NT5C: variants seen among roughly 807,000 people sequenced by gnomAD.
NT5C encodes 5'(3')-deoxyribonucleotidase, cytosolic type.
Under a neutral mutation model 17.6 loss-of-function variants are expected in NT5C, and 14 were observed. The ratio of observed to expected loss-of-function variants is 0.79; its 90% CI spans 0.52 to 1.24. The LOEUF is 1.24. NT5C is among the 50% of genes most tolerant of loss of function. The pLI is 0.00. For missense variants in NT5C, 328 were observed against 278.3 expected (o/e 1.18, Z -1.27); for synonymous variants, 153 against 119.2 (o/e 1.28, Z -1.85).
At position 75,130,530 on chromosome 17, in the gene NT5C, CCTCCAGTTGTCA is replaced by C; in HGVS notation, c.552_563del (p.Ser184_Trp187del). 2.5e-6 allele frequency: 4 copies of C among 1,614,208 alleles called. No individual in the cohort carries two copies. The highest frequency in any genetic ancestry group is 3.4e-6 in the Non-Finnish European group (4 of 1,180,036). ...CTCCGCGCTTGCTATCTAAGATCTC[CCTCCAGTTGTCA>C]CTCCAGGAGAGCAGCCGTCTCCTTG... On this transcript the variant is annotated inframe_deletion, in exon 5 of 5. Transcript: ENST00000245552.
intron 1 of NT5C, 99 bp from the exon 2 acceptor site, chr17:75,131,380 G>A (rs910922787): frequency 3.5e-6 from 5 of 1,432,672 alleles, no homozygotes; most frequent in African/African-American, 2.9e-5. Context: ...GGGCGGAGGG[G>A]GCGTCGGTCA....
At chr17:75,130,950 G>A in intron 3 of NT5C, 83 bp from the exon 4 acceptor site, 2 of 1,607,222 alleles carry the variant, frequency 1.2e-6, no homozygotes, top group Non-Finnish European at 1.7e-6. Flanking sequence ...GCCCTTGAGA[G>A]CCCCCCACCC....
intron 2 of NT5C, 22 bp downstream of exon 2, chr17:75,131,159 G>C (rs1247742121): frequency 1.2e-6 from 2 of 1,612,164 alleles, no homozygotes; most frequent in East Asian, 4.5e-5. Flanking sequence ...CCAGGACTCC[G>C]CCCGCCCCCC....
rs1287668373 is a variant in NT5C, at chr17:75,131,620, AGCG to A, written c.85_87del (p.Arg29del). On this transcript the variant is annotated inframe_deletion, in exon 1 of 5. Coordinates refer to ENST00000245552, the MANE Select transcript of NT5C (RefSeq NM_014595.3). ...AGCGGCACGTGCGGCTCCTCAGGGA[AGCG>A]GCGGCGGAAGCCCCGCAGGAGGCCG... 2 of 1,382,388 alleles carry A rather than the reference AGCG, an allele frequency of 1.4e-6. No individual in the cohort carries two copies. The highest frequency in any genetic ancestry group is 3.4e-5 in the Admixed American group (1 of 29,224). The allele number at this position is 1,382,388 out of a possible 1,614,324, so 85.6% of individuals were successfully genotyped here.
chr17:75,131,456 C>T, intron 1 of NT5C, 78 bp downstream of exon 1: 1 of 1,418,186 alleles, frequency 7.1e-7, no homozygotes, highest in South Asian at 1.5e-5. Flanking sequence ...GAGAGCTCTG[C>T]GCCCTTCACA....
intron 2 of NT5C, 21 bp from the exon 3 acceptor site, chr17:75,131,126 A>G (rs2074114598): frequency 6.2e-7 from 1 of 1,612,424 alleles, no homozygotes; most frequent in Admixed American, 1.7e-5. Flanking sequence ...GGACGCGGTT[A>G]CCGCCGGGAG....
At position 75,130,735 on chromosome 17, in the gene NT5C, A is replaced by C; in HGVS notation, c.451+18T>G. ...GCAGGCCAGAGGCCTGGAGGCTGCC[A>C]AGGATAACGGGTCCAACCTCGAACT... On this transcript the variant is annotated intron_variant, in intron 4 of 4. Transcript: ENST00000245552. The C allele has an allele frequency of 1.2e-6, 2 of 1,613,880 alleles. No homozygotes were observed. Among genetic ancestry groups the C allele is most frequent in the Non-Finnish European group, 1.7e-6 (2 of 1,179,762 alleles).
Position 75,131,102 on chromosome 17 carries a change from C to T in NT5C, c.279G>A (p.Thr93=). The T allele has an allele frequency of 6.2e-7, 1 of 1,613,202 alleles. No individual in the cohort carries two copies. ...GGGGGCTGGTGCAGATGAAGACCTG[C>T]GTGCTGCGGAGAAGGACGCGGTTAC... ...AVREMNDLPD[T]QVFICTSPLL... is the part of the protein sequence containing the mutation. The change falls in exon 3 of 5, where the codon ACG becomes ACA. Residue 93 remains threonine, a synonymous_variant. Coordinates refer to ENST00000245552, the MANE Select transcript of NT5C (RefSeq NM_014595.3).
chr17:75,130,698 T>TC, intron 4 of NT5C, 55 bp downstream of exon 4: 2 of 1,613,840 alleles, frequency 1.2e-6, no homozygotes, highest in East Asian at 4.5e-5. Flanking sequence ...TTACTCCCTC[T>TC]CCCTAATCCG....
At position 75,131,525 on chromosome 17, in the gene NT5C, G is replaced by A. The variant is rs1030878982; in HGVS notation, c.174+9C>T. Reference sequence around the variant, plus strand: ...GGCCCTGCCCGGGTGGGGACCCTGCGCCCCCTACCGCCAGGTCGGGCCGCA... The same window carrying A: ...GGCCCTGCCCGGGTGGGGACCCTGCACCCCCTACCGCCAGGTCGGGCCGCA... On this transcript the variant is annotated intron_variant, in intron 1 of 4. Transcript: ENST00000245552. The A allele has an allele frequency of 4.3e-6, 6 of 1,409,252 alleles. No individual in the cohort carries two copies. The South Asian group carries it at 9.3e-5, about 22-fold the overall frequency. The allele number at this position is 1,409,252 out of a possible 1,614,324, so 87.3% of individuals were successfully genotyped here. A position where few individuals can be genotyped will look rare whatever the true frequency, so the allele number is the denominator to read the frequency against.
intron 3 of NT5C, 37 bp downstream of exon 3, chr17:75,131,008 C>T: frequency 6.2e-7 from 1 of 1,607,184 alleles, no homozygotes. Context: ...AGGATTTAGG[C>T]AGCTCCACGT....
In NT5C at chr17:75,131,231, C is replaced by A. The variant is rs1412353488; in HGVS notation, c.225G>T (p.Glu75Asp). The A allele has an allele frequency of 6.2e-7, 1 of 1,614,044 alleles. No individual in the cohort carries two copies. The highest frequency in any genetic ancestry group is 1.3e-5 in the African/African-American group (1 of 75,072). Reference protein sequence around the residue: ...YEAPGFFLDLEPIPGALDAVR... With the variant: ...YEAPGFFLDLDPIPGALDAVR... ...CAGCGTCCAAGGCTCCCGGGATGGG[C>A]TCCAGGTCCAGGAAAAAGCCCGGGG... Residue 75 changes from glutamate to aspartate, a missense_variant, in exon 2 of 5, where the codon GAG becomes GAT. Glu to Asp is a conservative substitution (Grantham distance 45). Coordinates refer to ENST00000245552, the MANE Select transcript of NT5C (RefSeq NM_014595.3).
Position 75,130,887 on chromosome 17 carries a change from T to G in NT5C, c.337-20A>C. The G allele has an allele frequency of 1.2e-6, 2 of 1,613,770 alleles. No individual in the cohort carries two copies. The highest frequency in any genetic ancestry group is 1.7e-6 in the Non-Finnish European group (2 of 1,179,704). On this transcript the variant is annotated intron_variant, in intron 3 of 4. Transcript: ENST00000245552. ...GCGGTACTGTGTAGAAAACACAGTC[T>G]GTGAGTAGGGCCTGATGGAAGCCGG...
chr17:75,131,326 G>C, intron 1 of NT5C, 45 bp from the exon 2 acceptor site: 2 of 1,590,866 alleles, frequency 1.3e-6, no homozygotes, highest in Non-Finnish European at 1.7e-6. Flanking sequence ...TTCCCGCGAG[G>C]ACCCGCAGGG....
At chr17:75,131,393 G>C (rs2074122510) in intron 1 of NT5C, 112 bp from the exon 2 acceptor site, 1 of 1,407,440 alleles carries the variant, frequency 7.1e-7, no homozygotes, top group Admixed American at 2.4e-5. Context: ...GTCGGTCAGG[G>C]GCACGCGCCC....
In NT5C at chr17:75,130,308, C is replaced by T; in HGVS notation, c.*180G>A. On this transcript the variant is annotated 3_prime_UTR_variant, in exon 5 of 5. Coordinates refer to ENST00000245552, the MANE Select transcript of NT5C (RefSeq NM_014595.3). ...ATGCCAGCCAGGGTCCAGGGACAGC[C>T]TCTCGGGAGGTACCGGGTGGCTGGG... 3 of 683,544 alleles carry T rather than the reference C, an allele frequency of 4.4e-6. No individual in the cohort carries two copies. Among genetic ancestry groups the T allele is most frequent in the Non-Finnish European group, 7.4e-6 (3 of 403,800 alleles). The allele number at this position is 683,544 out of a possible 1,614,324, so 42.3% of individuals were successfully genotyped here. A position where few individuals can be genotyped will look rare whatever the true frequency, so the allele number is the denominator to read the frequency against.
In NT5C at chr17:75,130,592, T is replaced by A; in HGVS notation, c.502A>T (p.Asn168Tyr). ...WEHILFTCCHNRHLVLPPTRR... is the reference protein window; with the variant it reads ...WEHILFTCCHYRHLVLPPTRR... ...GTCGGGGGCAGGACCAGGTGCCGAT[T>A]GTGGCAGCAGGTGAACAAGATGTGC... Residue 168 changes from asparagine (N) to tyrosine (Y), a missense_variant, in exon 5 of 5, where the codon AAT (asparagine) becomes TAT (tyrosine). Coordinates refer to ENST00000245552, the MANE Select transcript of NT5C (RefSeq NM_014595.3). 6.2e-7 allele frequency: 1 copy of A among 1,614,190 alleles called. No homozygotes were observed. Among genetic ancestry groups the A allele is most frequent in the South Asian group, 1.1e-5 (1 of 91,086 alleles).
chr17:75,131,255 G>A lies in NT5C; in HGVS notation c.201C>T (p.Ala67=). Residue 67 remains alanine (A), a synonymous_variant, in exon 2 of 5, where the codon GCC becomes GCT. Coordinates refer to ENST00000245552, the MANE Select transcript of NT5C (RefSeq NM_014595.3). Reference sequence around the variant, plus strand: ...GCTCCAGGTCCAGGAAAAAGCCCGGGGCTTCGTACACACTGGCCACTTTAT... The same window carrying A: ...GCTCCAGGTCCAGGAAAAAGCCCGGAGCTTCGTACACACTGGCCACTTTAT... ...LADKVASVYE[A]PGFFLDLEPI... The A allele has an allele frequency of 6.2e-7, 1 of 1,614,032 alleles. No homozygotes were observed. The highest frequency in any genetic ancestry group is 1.1e-5 in the South Asian group (1 of 91,084).
At chr17:75,130,695 C>G (rs572466917) in intron 4 of NT5C, 53 bp from the exon 5 acceptor site, 1 of 1,613,774 alleles carries the variant, frequency 6.2e-7, no homozygotes, top group Non-Finnish European at 8.5e-7. Context: ...TTATTACTCC[C>G]TCTCCCTAAT....
Sources: gnomAD v4.1 joint callset for allele counts on GRCh38, gnomAD v4.1.1 for gene constraint, MANE v1.5 for transcripts, NCBI Gene and HGNC (gene_info 2026-07-23, HGNC 2026-07-21) for gene names.